ASPH: variants seen among roughly 807,000 people sequenced by gnomAD.
The protein encoded by ASPH is aspartate beta-hydroxylase.
In ASPH, 100 loss-of-function variants were observed where a neutral mutation model predicts 118.4. The observed-to-expected ratio is 0.84, with a 90% confidence interval of 0.72 to 1.00. The LOEUF is 1.00. ASPH is among the 50% of genes least tolerant of loss of function. The pLI is 0.00. For missense variants in ASPH, 920 were observed against 919.5 expected (o/e 1.00, Z -0.01); for synonymous variants, 315 against 325.6 (o/e 0.97, Z 0.35).
chr8:61,552,321 C>A (rs76639204), intron 20 of ASPH, among the ~76,000 whole-genome samples: 4 of 152,108 alleles, frequency 2.6e-5, no homozygotes, highest in Non-Finnish European at 5.9e-5. Flanking sequence ...TTATAGCATG[C>A]GATGTCATGA....
At chr8:61,665,235 T>C in intron 3 of ASPH, 1 of 1,560,436 alleles carries the variant, frequency 6.4e-7, no homozygotes. Flanking sequence ...TGTTCTGGGA[T>C]GATGATGCCA....
intron 21 of ASPH, among the ~76,000 whole-genome samples, chr8:61,526,496 C>A (rs1815397952): frequency 6.6e-6 from 1 of 152,124 alleles, no homozygotes; most frequent in Admixed American, 6.6e-5. Context: ...TAAACTGGAA[C>A]AGAAATCACA....
chr8:61,552,986 C>T (rs1826538402), intron 20 of ASPH, 45 bp downstream of exon 20: 1 of 1,436,930 alleles, frequency 7.0e-7, no homozygotes, highest in South Asian at 1.2e-5. Flanking sequence ...ATTCTCCCAA[C>T]TCCATCCTCT....
chr8:61,705,132 C>A (rs10099866), intron 1 of ASPH, among the ~76,000 whole-genome samples: 73,108 of 151,948 alleles, frequency 0.48, 17,848 homozygotes, highest in East Asian at 0.54. Flanking sequence ...CTATCCTAAG[C>A]AAACTGACAC....
intron 15 of ASPH, among the ~76,000 whole-genome samples, chr8:61,577,874 G>A (rs541831498): frequency 6.6e-6 from 1 of 152,222 alleles, no homozygotes; most frequent in African/African-American, 2.4e-5. Flanking sequence ...CTTGGGTGGG[G>A]ACACAGTGAA....
At position 61,624,722 on chromosome 8, in the gene ASPH, C is replaced by T. The variant is rs1183160122; in HGVS notation, c.935-5703G>A. ...TAATGAATCCTCAACGTCCAGAGTT[C>T]TACAAAAATCCAGCAAAACTTACTT... On this transcript the variant is annotated intron_variant, in intron 13 of 24. Transcript: ENST00000379454. 12 of 985,592 alleles carry T rather than the reference C, an allele frequency of 1.2e-5. No individual in the cohort carries two copies. The South Asian group carries it at 4.7e-4, about 39-fold the overall frequency. The allele number at this position is 985,592 out of a possible 1,614,324, so 61.1% of individuals were successfully genotyped here. A position where few individuals can be genotyped will look rare whatever the true frequency, so the allele number is the denominator to read the frequency against.
chr8:61,624,167 G>C, intron 13 of ASPH: 2 of 880,988 alleles, frequency 2.3e-6, no homozygotes, highest in Non-Finnish European at 2.7e-6. Context: ...TTCTATATCT[G>C]TATCGAAATA....
chr8:61,590,534 G>A (rs1260601404), intron 14 of ASPH, among the ~76,000 whole-genome samples: 1 of 144,362 alleles, frequency 6.9e-6, no homozygotes, highest in Admixed American at 7.1e-5. Context: ...GATTAAATAC[G>A]GACCTTAATT....
chr8:61,689,926 G>A (rs1240143679), intron 1 of ASPH: 17 of 1,136,670 alleles, frequency 1.5e-5, no homozygotes, highest in Non-Finnish European at 1.8e-5. Context: ...AGGCTGAAGT[G>A]CACTCCCTAA....
Position 61,653,549 on chromosome 8 carries a change from A to G in ASPH, c.415+19T>C. ...CTCTGGCACACCTGGGCGAGACTCG[A>G]GGATGAGGACAAGCTTACCTGCCTC... On this transcript the variant is annotated intron_variant, in intron 4 of 24. Transcript: ENST00000379454. 1 of 1,611,636 alleles carries G rather than the reference A, an allele frequency of 6.2e-7. No individual in the cohort carries two copies. Among genetic ancestry groups the G allele is most frequent in the Non-Finnish European group, 8.5e-7 (1 of 1,179,212 alleles).
intron 1 of ASPH, chr8:61,689,672 C>T (rs747466354): frequency 1.3e-6 from 2 of 1,589,258 alleles, no homozygotes; most frequent in Non-Finnish European, 1.7e-6. Context: ...CAAAAATATA[C>T]CTTTATCTTC....
chr8:61,500,964 C>G lies in ASPH; in HGVS notation c.*2395G>C, dbSNP rs1804786526. Reference sequence around the variant, plus strand: ...TTACATCATCTCTTTCTCAATGGATCTAATGTTTTAATTTTTTCCCCTATT... The same window carrying G: ...TTACATCATCTCTTTCTCAATGGATGTAATGTTTTAATTTTTTCCCCTATT... On this transcript the variant is annotated 3_prime_UTR_variant, in exon 25 of 25. Transcript: ENST00000379454. The G allele has an allele frequency of 6.6e-6, 1 of 152,032 alleles. No individual in the cohort carries two copies. The highest frequency in any genetic ancestry group is 6.6e-5 in the Admixed American group (1 of 15,260). The allele number at this position is 152,032 out of a possible 1,614,324, so 9.4% of individuals were successfully genotyped here. A position where few individuals can be genotyped will look rare whatever the true frequency, so the allele number is the denominator to read the frequency against.
intron 12 of ASPH, among the ~76,000 whole-genome samples, chr8:61,636,831 A>G (rs903030681): frequency 6.6e-6 from 1 of 152,146 alleles, no homozygotes; most frequent in Non-Finnish European, 1.5e-5. Context: ...GAACATTAAT[A>G]TCCCTCATAG....
At chr8:61,617,695 C>T (rs1849493928) in intron 14 of ASPH, among the ~76,000 whole-genome samples, 1 of 151,884 alleles carries the variant, frequency 6.6e-6, no homozygotes, top group South Asian at 2.1e-4. Flanking sequence ...CTTTGGGAGG[C>T]CGAGGTGGGA....
At chr8:61,509,198 G>C (rs1184774317) in intron 24 of ASPH, among the ~76,000 whole-genome samples, 14 of 152,148 alleles carry the variant, frequency 9.2e-5, no homozygotes. Flanking sequence ...GCCCAAAAGA[G>C]GGTTCTTGGA....
At chr8:61,646,187 T>C (rs1343384173) in intron 6 of ASPH, among the ~76,000 whole-genome samples, 1 of 152,140 alleles carries the variant, frequency 6.6e-6, no homozygotes, top group Non-Finnish European at 1.5e-5. Flanking sequence ...TACAAATAAG[T>C]TGTATAAAAA....
intron 12 of ASPH, among the ~76,000 whole-genome samples, chr8:61,637,611 T>C (rs760981407): frequency 6.6e-6 from 1 of 152,116 alleles, no homozygotes; most frequent in Non-Finnish European, 1.5e-5. Flanking sequence ...TCTCTGCCCA[T>C]AGCTATGCCC....
chr8:61,598,407 CAAAG>C (rs1843017829), intron 14 of ASPH, among the ~76,000 whole-genome samples: 2 of 151,934 alleles, frequency 1.3e-5, no homozygotes, highest in African/African-American at 4.8e-5. Flanking sequence ...AAAAAAGAAA[CAAAG>C]AAGGTCATTA....
At chr8:61,571,681 A>G (rs759634153) in intron 16 of ASPH, among the ~76,000 whole-genome samples, 33 of 152,222 alleles carry the variant, frequency 2.2e-4, no homozygotes, top group Non-Finnish European at 4.3e-4. Flanking sequence ...CTGTTTCAAG[A>G]GCATTTCATT....
Sources: gnomAD v4.1 joint callset for allele counts (sites outside exome capture counted in the v4.1 genomes callset) on GRCh38, gnomAD v4.1.1 for gene constraint, MANE v1.5 for transcripts, NCBI Gene and HGNC (gene_info 2026-07-23, HGNC 2026-07-21) for gene names.